Variants in TANC2 observed in about 807,000 individuals in gnomAD.
The protein encoded by TANC2 is protein TANC2.
TANC2 carries 26 observed loss-of-function variants against 210.5 expected under a neutral mutation model. That is an observed-to-expected ratio of 0.12 (90% confidence interval 0.09 to 0.17). The LOEUF is 0.17. Ranked by LOEUF, TANC2 falls within the 10% of genes least tolerant of loss-of-function variation. The pLI is 1.00. For synonymous variants in TANC2, 931 were observed against 967.1 expected (o/e 0.96, Z 0.69); for missense variants, 2,129 against 2,608.9 (o/e 0.82, Z 4.01).
At chr17:62,970,851 A>C (rs2031651547) in intron 1 of TANC2, among the ~76,000 whole-genome samples, 1 of 152,214 alleles carries the variant, frequency 6.6e-6, no homozygotes, top group Admixed American at 6.5e-5. Context: ...GGGAGCTAGA[A>C]CAAGCTGTTG....
At chr17:63,039,179 C>T (rs75267386) in intron 2 of TANC2, among the ~76,000 whole-genome samples, 4,311 of 152,098 alleles carry the variant, frequency 0.028, 78 homozygotes, top group South Asian at 0.038. Context: ...TAAGACATAT[C>T]GTGTTAGTCT....
At chr17:63,417,040 G>A (rs1343620398) in intron 26 of TANC2, among the ~76,000 whole-genome samples, 1 of 152,142 alleles carries the variant, frequency 6.6e-6, no homozygotes, top group African/African-American at 2.4e-5. Flanking sequence ...GAATAATGAT[G>A]GTCCCAAAAG....
intron 11 of TANC2, among the ~76,000 whole-genome samples, chr17:63,326,886 A>G (rs1481857496): frequency 1.3e-5 from 2 of 152,230 alleles, no homozygotes; most frequent in Non-Finnish European, 2.9e-5. Context: ...ATGGAATGAC[A>G]TGTAAACTAA....
At chr17:63,279,265 A>G (rs1290382422) in intron 9 of TANC2, among the ~76,000 whole-genome samples, 3 of 152,176 alleles carry the variant, frequency 2.0e-5, no homozygotes, top group Non-Finnish European at 1.5e-5. Context: ...GGAAGACAGG[A>G]TGAAAGCATG....
intron 4 of TANC2, among the ~76,000 whole-genome samples, chr17:63,099,679 G>C (rs752353846): frequency 1.3e-5 from 2 of 152,132 alleles, no homozygotes; most frequent in Non-Finnish European, 2.9e-5. Flanking sequence ...TTCATGTCAG[G>C]TTAACAGATG....
At chr17:63,402,055 C>G (rs1283544465) in intron 19 of TANC2, among the ~76,000 whole-genome samples, 1 of 152,204 alleles carries the variant, frequency 6.6e-6, no homozygotes, top group African/African-American at 2.4e-5. Context: ...TCATTTACTA[C>G]TTGTAGGATT....
At chr17:63,384,600 C>G (rs1261109404) in intron 15 of TANC2, among the ~76,000 whole-genome samples, 1 of 152,020 alleles carries the variant, frequency 6.6e-6, no homozygotes, top group Non-Finnish European at 1.5e-5. Context: ...TTCCCTTACC[C>G]CATTCTCCTC....
chr17:63,293,239 A>G (rs889353517), intron 9 of TANC2, among the ~76,000 whole-genome samples: 2 of 152,152 alleles, frequency 1.3e-5, no homozygotes, highest in Admixed American at 6.6e-5. Flanking sequence ...AGCTCCTACT[A>G]TGGCCTTAAG....
intron 9 of TANC2, among the ~76,000 whole-genome samples, chr17:63,297,066 A>G (rs553823206): frequency 1.2e-4 from 18 of 152,360 alleles, no homozygotes; most frequent in Non-Finnish European, 2.2e-4. Context: ...TGGATACAAT[A>G]TCAGCTCACA....
intron 11 of TANC2, among the ~76,000 whole-genome samples, chr17:63,323,938 GAGGC>G (rs2045569226): frequency 6.6e-6 from 1 of 152,160 alleles, no homozygotes; most frequent in African/African-American, 2.4e-5. Context: ...GATTTAAACT[GAGGC>G]AGGCAAAGTC....
chr17:63,372,439 A>C (rs147212429), intron 14 of TANC2, among the ~76,000 whole-genome samples: 56 of 152,340 alleles, frequency 3.7e-4, no homozygotes, highest in African/African-American at 1.3e-3. Context: ...TTAAAGACTA[A>C]AGTTCCATTT....
intron 14 of TANC2, among the ~76,000 whole-genome samples, chr17:63,356,228 T>A (rs1213692298): frequency 2.0e-5 from 3 of 152,286 alleles, no homozygotes; most frequent in Non-Finnish European, 4.4e-5. Flanking sequence ...GAAACCTAGT[T>A]CTCTGGCATC....
At chr17:63,411,289 C>A (rs990138034) in intron 21 of TANC2, among the ~76,000 whole-genome samples, 2 of 152,140 alleles carry the variant, frequency 1.3e-5, no homozygotes, top group Non-Finnish European at 2.9e-5. Context: ...CTGTGGATGA[C>A]CCTGAATACT....
intron 9 of TANC2, among the ~76,000 whole-genome samples, chr17:63,274,955 T>C (rs111757166): frequency 0.017 from 2,608 of 152,272 alleles, 29 homozygotes; most frequent in Middle Eastern, 0.037. Context: ...CAGAGAAAGA[T>C]AGAAACTAAG....
At chr17:63,194,338 G>A (rs1208614462) in intron 6 of TANC2, among the ~76,000 whole-genome samples, 199 bp downstream of exon 6, 1 of 152,182 alleles carries the variant, frequency 6.6e-6, no homozygotes, top group Admixed American at 6.5e-5. Flanking sequence ...TTTAGGTTTT[G>A]ATTGATTTAA....
At chr17:63,348,060 G>T (rs1257062243) in intron 12 of TANC2, among the ~76,000 whole-genome samples, 10 of 152,166 alleles carry the variant, frequency 6.6e-5, no homozygotes, top group Non-Finnish European at 1.5e-4. Context: ...GAGCCACCAG[G>T]CTCAGCTGAG....
intron 2 of TANC2, among the ~76,000 whole-genome samples, chr17:63,029,010 A>G (rs16946721): frequency 0.022 from 3,398 of 152,194 alleles, 65 homozygotes; most frequent in African/African-American, 0.045. Flanking sequence ...ACAGGAGCCT[A>G]TGGTATTGAA....
intron 1 of TANC2, chr17:62,978,398 G>T (rs2032136074): frequency 6.6e-6 from 1 of 152,226 alleles, no homozygotes; most frequent in Non-Finnish European, 1.5e-5. Context: ...GCCTGCCCAT[G>T]TGGACAGCAG....
chr17:63,379,910 C>T, intron 15 of TANC2, 84 bp downstream of exon 15: 1 of 1,185,628 alleles, frequency 8.4e-7, no homozygotes, highest in Non-Finnish European at 1.2e-6. Flanking sequence ...TCAGTGTAGT[C>T]CCTGCCTTCT....
Sources: allele counts gnomAD v4.1 joint callset (sites outside exome capture counted in the v4.1 genomes callset), GRCh38; gene constraint gnomAD v4.1.1; transcripts MANE v1.5; gene names NCBI Gene and HGNC (gene_info 2026-07-23, HGNC 2026-07-21).